The following RBM44 variants were observed in gnomAD, a reference collection of about 807,000 sequenced individuals.
The protein encoded by RBM44 is RNA binding motif protein 44.
Under a neutral mutation model 105.1 loss-of-function variants are expected in RBM44, and 66 were observed. That is an observed-to-expected ratio of 0.63 (90% confidence interval 0.52 to 0.77). The LOEUF is 0.77. Among genes scored for constraint, RBM44 ranks in the 30% least tolerant of loss-of-function variants. RBM44 has a pLI of 0.00. For missense variants in RBM44, 1,122 were observed against 1,207.8 expected (o/e 0.93, Z 1.05); for synonymous variants, 365 against 417.6 (o/e 0.87, Z 1.54).
In RBM44 at chr2:237,818,957, G is replaced by C. The variant is rs1463092701; in HGVS notation, c.1734G>C (p.Glu578Asp). Reference protein sequence around the residue: ...CGITDLKKHPEREFQLFKDTE... With the variant: ...CGITDLKKHPDREFQLFKDTE... ...TCACAGACCTAAAGAAACATCCTGA[G>C]AGGTACATCATTTATATATGCTTAC... Residue 578 changes from glutamate to aspartate, a missense_variant and splice_region_variant, in exon 4 of 16, where the codon GAG (glutamate) becomes GAC (aspartate). Glu to Asp is a conservative substitution (Grantham distance 45). This residue lies in a region of RBM44 where 918 missense variants were observed against 955.3 expected (regional missense o/e 0.96). Transcript: ENST00000316997. The surrounding 1 kb of genome is among the most constrained non-coding windows in gnomAD (Gnocchi z 4.6). 6.2e-6 allele frequency: 9 copies of C among 1,448,024 alleles called. No homozygotes were observed. Among genetic ancestry groups the C allele is most frequent in the Non-Finnish European group, 6.6e-6 (7 of 1,061,524 alleles). 89.7% of individuals were successfully genotyped at this position (1,448,024 alleles called of 1,614,324 possible).
chr2:237,817,311 C>A lies in RBM44; in HGVS notation c.392C>A (p.Ser131Ter). The change falls in exon 3 of 16, where the codon TCA (serine) becomes TAA (stop). Residue 131 changes from serine (S) to a stop codon, truncating the protein, a stop_gained. Coordinates refer to ENST00000316997, the MANE Select transcript of RBM44 (RefSeq NM_001080504.3). LOFTEE classifies it high-confidence loss of function. ...AAGGAAAGTCTTACTCCTTTAAGTT[C>A]AGAATTAGATCCTGAAGTGCAGAAA... ...LKKESLTPLSSELDPEVQKKE... is the reference protein window; with the variant it reads ...LKKESLTPLS 1 of 1,606,044 alleles carries A rather than the reference C, an allele frequency of 6.2e-7. No homozygotes were observed. Among genetic ancestry groups the A allele is most frequent in the South Asian group, 1.1e-5 (1 of 90,344 alleles).
At chr2:237,814,172 C>A (rs761049605) in intron 2 of RBM44, among the ~76,000 whole-genome samples, 4 of 151,994 alleles carry the variant, frequency 2.6e-5, no homozygotes, top group African/African-American at 9.7e-5. Context: ...TAGATTAAAA[C>A]AAAAACTCTA....
Position 237,821,366 on chromosome 2 carries a change from T to G in RBM44, c.2118T>G (p.His706Gln). 6.4e-7 allele frequency: 1 copy of G among 1,557,080 alleles called. No homozygotes were observed. The highest frequency in any genetic ancestry group is 8.7e-7 in the Non-Finnish European group (1 of 1,148,112). Reference protein sequence around the residue: ...FASRLMKKETHVFSEADAEQD... With the variant: ...FASRLMKKETQVFSEADAEQD... ...TCCAGCTAATGAAAAAAGAAACACA[T>G]GTGTGAGTTATGGTTTCATTTGATT... is the stretch of plus-strand genomic sequence containing the variant. The change falls in exon 7 of 16, where the codon CAT becomes CAG. Residue 706 changes from histidine to glutamine, a missense_variant and splice_region_variant. Around this residue, in one of 3 missense-constraint regions of RBM44, gnomAD observed 918 missense variants for 955.3 expected, o/e 0.96. Coordinates refer to ENST00000316997, the MANE Select transcript of RBM44 (RefSeq NM_001080504.3).
intron 1 of RBM44, among the ~76,000 whole-genome samples, chr2:237,801,746 TCTC>T (rs1251441304): frequency 6.6e-6 from 1 of 152,242 alleles, no homozygotes; most frequent in Non-Finnish European, 1.5e-5. Flanking sequence ...TCTATGCCCT[TCTC>T]TGCTTCTTCT....
At position 237,819,043 on chromosome 2, in the gene RBM44, T is replaced by C. The variant is rs148426069; in HGVS notation, c.1736+84T>C. The C allele has an allele frequency of 1.5e-4, 88 of 587,548 alleles. No homozygotes were observed. The East Asian group carries it at 2.4e-3, about 16-fold the overall frequency. The allele number at this position is 587,548 out of a possible 1,614,324, so 36.4% of individuals were successfully genotyped here. A position where few individuals can be genotyped will look rare whatever the true frequency, so the allele number is the denominator to read the frequency against. On this transcript the variant is annotated intron_variant, in intron 4 of 15. Transcript: ENST00000316997. The stretch of plus-strand genomic sequence containing the variant: ...GCTTTCTGTATAGCATACTTACCCA[T>C]ATAGAATAATAGCTAAAATGGACTT...
At chr2:237,830,134 A>G (rs1373735215) in intron 13 of RBM44, among the ~76,000 whole-genome samples, 1 of 152,156 alleles carries the variant, frequency 6.6e-6, no homozygotes, top group South Asian at 2.1e-4. Context: ...TTGTGCTCTG[A>G]TCTGTTTCCT....
chr2:237,834,028 C>T lies in RBM44; in HGVS notation c.2918C>T (p.Ser973Phe). ...GVKKNCKQIE[S>F]AKLLPDTPVQ... Reference sequence around the variant, plus strand: ...AAGAAGAATTGTAAGCAGATTGAATCTGCTAAATTATTACCTGATACACCC... The same window carrying T: ...AAGAAGAATTGTAAGCAGATTGAATTTGCTAAATTATTACCTGATACACCC... Residue 973 changes from serine to phenylalanine, a missense_variant, in exon 14 of 16, where the codon TCT becomes TTT. Around this residue, in one of 3 missense-constraint regions of RBM44, gnomAD observed 194 missense variants for 225.5 expected, o/e 0.86. Coordinates refer to ENST00000316997, the MANE Select transcript of RBM44 (RefSeq NM_001080504.3). 6.4e-7 allele frequency: 1 copy of T among 1,561,054 alleles called. No homozygotes were observed. Among genetic ancestry groups the T allele is most frequent in the South Asian group, 1.2e-5 (1 of 83,130 alleles).
intron 1 of RBM44, among the ~76,000 whole-genome samples, chr2:237,804,970 A>T (rs2061583729): frequency 6.6e-6 from 1 of 152,224 alleles, no homozygotes; most frequent in Non-Finnish European, 1.5e-5. Context: ...ACTCTTACTC[A>T]TTGTAATACT....
rs1223968435 is a variant in RBM44 at position 237,803,128 on chromosome 2, G to T, written c.-19+4267G>T. Among the ~76,000 whole-genome samples, 1 of 152,150 alleles carries T rather than the reference G, an allele frequency of 6.6e-6. No homozygotes were observed. The highest frequency in any genetic ancestry group is 1.5e-5 in the Non-Finnish European group (1 of 68,036). On this transcript the variant is annotated intron_variant, in intron 1 of 15. Coordinates refer to ENST00000316997, the MANE Select transcript of RBM44 (RefSeq NM_001080504.3). The surrounding 1 kb of genome is among the most constrained non-coding windows in gnomAD (Gnocchi z 4.2). Reference sequence around the variant, plus strand: ...CTAAAAATACAAAAATTAGCTGTGTGTGGTGGTGTGCACCTGTAGTGCCAG... The same window carrying T: ...CTAAAAATACAAAAATTAGCTGTGTTTGGTGGTGTGCACCTGTAGTGCCAG...
chr2:237,812,511 A>G (rs987041639), intron 1 of RBM44, among the ~76,000 whole-genome samples: 1 of 152,226 alleles, frequency 6.6e-6, no homozygotes. Flanking sequence ...TCTCCATGAC[A>G]TGAGATCTGC....
At position 237,834,314 on chromosome 2, in the gene RBM44, A is replaced by G; in HGVS notation, c.3069A>G (p.Ile1023Met). Residue 1023 changes from isoleucine (I) to methionine (M), a missense_variant, in exon 15 of 16, where the codon ATA becomes ATG. By Grantham distance (10) the Ile-to-Met change is conservative. Coordinates refer to ENST00000316997, the MANE Select transcript of RBM44 (RefSeq NM_001080504.3). The part of the protein sequence containing the change: ...HIINALQEVR[I>M]RHKGFLNGLS... ...TAAATGCACTTCAGGAAGTGAGAAT[A>G]AGACATAAAGGTTTTCTGAATGGCT... is the stretch of plus-strand genomic sequence containing the variant. The G allele has an allele frequency of 6.3e-7, 1 of 1,580,606 alleles. No homozygotes were observed. Among genetic ancestry groups the G allele is most frequent in the African/African-American group, 1.3e-5 (1 of 74,222 alleles).
At chr2:237,802,467 A>G (rs1330879263) in intron 1 of RBM44, among the ~76,000 whole-genome samples, 1 of 152,164 alleles carries the variant, frequency 6.6e-6, no homozygotes, top group Non-Finnish European at 1.5e-5. Flanking sequence ...TCCGTGGAAA[A>G]ATTATCTTCC....
intron 1 of RBM44, chr2:237,799,385 A>C (rs2061522231): frequency 6.6e-6 from 1 of 152,350 alleles, no homozygotes; most frequent in Non-Finnish European, 1.5e-5. Context: ...CGCGTATTTA[A>C]GATGAGATCT....
chr2:237,814,783 G>A (rs1418051278), intron 2 of RBM44, among the ~76,000 whole-genome samples: 4 of 152,056 alleles, frequency 2.6e-5, no homozygotes, highest in Non-Finnish European at 5.9e-5. Flanking sequence ...TTGGCAAATG[G>A]TATTACGACA....
rs2150966467 is a variant in RBM44 at position 237,803,743 on chromosome 2, G to T, written c.-19+4882G>T. Among the ~76,000 whole-genome samples, 1 of 152,120 alleles carries T rather than the reference G, an allele frequency of 6.6e-6. No individual in the cohort carries two copies. Among genetic ancestry groups the T allele is most frequent in the East Asian group, 1.9e-4 (1 of 5,186 alleles). On this transcript the variant is annotated intron_variant, in intron 1 of 15. Transcript: ENST00000316997. This position sits in a 1 kb window ranked among gnomAD's most constrained non-coding sequence, Gnocchi z 4.2. Reference sequence around the variant, plus strand: ...GTGTTTTGAGAAACATTATAAATTTGGTTTTCACATTTAAAAATATGATTC... The same window carrying T: ...GTGTTTTGAGAAACATTATAAATTTTGTTTTCACATTTAAAAATATGATTC...
chr2:237,832,094 G>A (rs74444079), intron 13 of RBM44, among the ~76,000 whole-genome samples: 2,863 of 150,484 alleles, frequency 0.019, 41 homozygotes, highest in East Asian at 0.057. Context: ...TTCTAACTCT[G>A]TATTTTCAAT....
Position 237,827,292 on chromosome 2 carries a change from T to G in RBM44, c.2492T>G (p.Leu831Trp). The G allele has an allele frequency of 6.3e-7, 1 of 1,595,416 alleles. No individual in the cohort carries two copies. Among genetic ancestry groups the G allele is most frequent in the Non-Finnish European group, 8.6e-7 (1 of 1,167,690 alleles). ...CCCTCACAAAGAGATAAAGGTTATT[T>G]GATACATGTTGGTGGCCTCTGCCCT... is the stretch of plus-strand genomic sequence containing the variant. The part of the protein sequence containing the change: ...VEPSQRDKGY[L>W]IHVGGLCPSV... Residue 831 changes from leucine (L) to tryptophan (W), a missense_variant, in exon 11 of 16, where the codon TTG (leucine) becomes TGG (tryptophan). Coordinates refer to ENST00000316997, the MANE Select transcript of RBM44 (RefSeq NM_001080504.3).
chr2:237,800,907 C>CCGTGTT (rs1442256000), intron 1 of RBM44, among the ~76,000 whole-genome samples: 17 of 152,062 alleles, frequency 1.1e-4, no homozygotes, highest in Non-Finnish European at 2.2e-4. Flanking sequence ...TTAGTAGAGA[C>CCGTGTT]GGGTTTTCAC....
intron 15 of RBM44, chr2:237,834,852 G>A (rs905399880): frequency 6.5e-6 from 1 of 153,034 alleles, no homozygotes; most frequent in African/African-American, 2.4e-5. Flanking sequence ...CTCTTCAAAT[G>A]TCTTTGCATC....
Sources: gnomAD v4.1 joint callset for allele counts (sites outside exome capture counted in the v4.1 genomes callset) on GRCh38, gnomAD v4.1.1 for gene constraint, gnomAD v4.1.1 regional missense constraint, Gnocchi (gnomAD v3.1) non-coding constraint, MANE v1.5 for transcripts, NCBI Gene and HGNC (gene_info 2026-07-23, HGNC 2026-07-21) for gene names.